Variants in PRPF39 observed in about 807,000 individuals in gnomAD.
PRPF39 encodes pre-mRNA-processing factor 39.
A neutral mutation model predicts 82.1 loss-of-function variants in PRPF39; 27 were observed. The observed-to-expected ratio is 0.33, with a 90% CI of 0.24 to 0.45. The LOEUF (loss-of-function observed/expected upper bound fraction) is 0.45. PRPF39 is among the 20% of genes least tolerant of loss of function. The pLI is 1.00. For missense variants in PRPF39, 581 were observed against 796.9 expected (o/e 0.73, Z 3.26); for synonymous variants, 261 against 256.4 (o/e 1.02, Z -0.17).
At chr14:45,108,295 A>T in intron 6 of PRPF39, 120 bp from the exon 7 acceptor site, 1 of 1,188,946 alleles carries the variant, frequency 8.4e-7, no homozygotes, top group East Asian at 3.1e-5. Flanking sequence ...CAACAGTTAA[A>T]AATCTACCAC....
At chr14:45,103,611 C>T (rs958255497) in intron 5 of PRPF39, among the ~76,000 whole-genome samples, 2 of 151,890 alleles carry the variant, frequency 1.3e-5, no homozygotes, top group Non-Finnish European at 2.9e-5. Flanking sequence ...TATACAGACT[C>T]AGGTTAGAAA....
At position 45,102,713 on chromosome 14, in the gene PRPF39, G is replaced by A. The variant is rs767165816; in HGVS notation, c.737+17G>A. 6.4e-7 allele frequency: 1 copy of A among 1,564,314 alleles called. No homozygotes were observed. The highest frequency in any genetic ancestry group is 8.7e-7 in the Non-Finnish European group (1 of 1,151,290). ...TTTTCAGAGGTAGGTGGGAAATTCTGATCATTGAAACATCTTTGATTACTC... is the reference window on the plus strand; with the variant it reads ...TTTTCAGAGGTAGGTGGGAAATTCTAATCATTGAAACATCTTTGATTACTC... On this transcript the variant is annotated intron_variant, in intron 5 of 13. Transcript: ENST00000355765.
chr14:45,095,892 T>G (rs1298090063), intron 2 of PRPF39, among the ~76,000 whole-genome samples: 1 of 149,536 alleles, frequency 6.7e-6, no homozygotes, highest in Admixed American at 6.6e-5. Context: ...TGTGTAGGTT[T>G]TTTTTTTTTT....
chr14:45,114,769 T>C, intron 13 of PRPF39, 88 bp from the exon 14 acceptor site: 1 of 1,399,682 alleles, frequency 7.1e-7, no homozygotes, highest in Non-Finnish European at 9.9e-7. Context: ...TTGCTTGTTT[T>C]CTTAAACATA....
intron 1 of PRPF39, among the ~76,000 whole-genome samples, chr14:45,085,962 A>G (rs1883814649): frequency 6.6e-6 from 1 of 152,018 alleles, no homozygotes; most frequent in Admixed American, 6.6e-5. Context: ...TATTAGGTCA[A>G]AAGATGGCAT....
At position 45,112,518 on chromosome 14, in the gene PRPF39, T is replaced by C. The variant is rs755088163; in HGVS notation, c.1757+16T>C. On this transcript the variant is annotated intron_variant, in intron 11 of 13. Transcript: ENST00000355765. ...ATGTTAATAAGTAAGATATTAGTTA[T>C]ATTACCTATTTGAATGATAAATGAG... 1.3e-5 allele frequency: 19 copies of C among 1,450,304 alleles called. No homozygotes were observed. Among genetic ancestry groups the C allele is most frequent in the Non-Finnish European group, 1.6e-5 (18 of 1,105,990 alleles). The allele number at this position is 1,450,304 out of a possible 1,614,324, so 89.8% of individuals were successfully genotyped here. A position where few individuals can be genotyped will look rare whatever the true frequency, so the allele number is the denominator to read the frequency against.
At chr14:45,095,622 A>G in intron 2 of PRPF39, 59 bp downstream of exon 2, 3 of 1,466,104 alleles carry the variant, frequency 2.0e-6, no homozygotes, top group Admixed American at 5.1e-5. Flanking sequence ...TTAATTTATA[A>G]TGAAACAGTA....
intron 1 of PRPF39, among the ~76,000 whole-genome samples, chr14:45,086,479 G>A (rs1487329562): frequency 6.6e-6 from 1 of 152,014 alleles, no homozygotes; most frequent in African/African-American, 2.4e-5. Context: ...GTAATGTAGT[G>A]AAAAGGAATC....
At chr14:45,086,236 C>G (rs535972697) in intron 1 of PRPF39, among the ~76,000 whole-genome samples, 1 of 152,270 alleles carries the variant, frequency 6.6e-6, no homozygotes, top group East Asian at 1.9e-4. Flanking sequence ...CCACCGTGCC[C>G]GGCCCAAATG....
chr14:45,092,587 C>T (rs1348062959), intron 1 of PRPF39, among the ~76,000 whole-genome samples: 2 of 127,062 alleles, frequency 1.6e-5, no homozygotes, highest in Non-Finnish European at 3.1e-5. Context: ...GGTGACAGAT[C>T]GAGACTCTGT....
rs1319229615 is a variant in PRPF39, at chr14:45,115,466, A to G, written c.*553A>G. ...AATGGAATGTTTGCATCCCTTTAAA[A>G]ATGAAAATCATATCAAAAGTATGTT... On this transcript the variant is annotated 3_prime_UTR_variant, in exon 14 of 14. Coordinates refer to ENST00000355765, the MANE Select transcript of PRPF39 (RefSeq NM_017922.4). 6.6e-6 allele frequency: 1 copy of G among 152,602 alleles called. No homozygotes were observed. The highest frequency in any genetic ancestry group is 1.5e-5 in the Non-Finnish European group (1 of 68,014). 9.5% of individuals were successfully genotyped at this position (152,602 alleles called of 1,614,324 possible).
intron 8 of PRPF39, 100 bp downstream of exon 8, chr14:45,109,880 A>G: frequency 4.0e-6 from 6 of 1,515,178 alleles, no homozygotes; most frequent in Non-Finnish European, 5.3e-6. Flanking sequence ...ATATAACTAT[A>G]TCTGTTGCAT....
chr14:45,110,518 C>T lies in PRPF39; in HGVS notation c.1304-31C>T. On this transcript the variant is annotated intron_variant, in intron 9 of 13. Coordinates refer to ENST00000355765, the MANE Select transcript of PRPF39 (RefSeq NM_017922.4). The surrounding 1 kb of genome is among the most constrained non-coding windows in gnomAD (Gnocchi z 4.0). Reference sequence around the variant, plus strand: ...TAAACGTTATTTTGGTTGTTTAAACCAAAGCATAAACATTTAATTACTGTT... The same window carrying T: ...TAAACGTTATTTTGGTTGTTTAAACTAAAGCATAAACATTTAATTACTGTT... The T allele has an allele frequency of 6.5e-7, 1 of 1,536,660 alleles. No homozygotes were observed. Among genetic ancestry groups the T allele is most frequent in the Non-Finnish European group, 8.8e-7 (1 of 1,136,700 alleles).
intron 1 of PRPF39, among the ~76,000 whole-genome samples, chr14:45,092,898 C>T (rs1458387172): frequency 2.1e-5 from 3 of 143,398 alleles, no homozygotes; most frequent in Admixed American, 2.0e-4. Context: ...GTATGGTAGT[C>T]ATAAAATTGT....
In PRPF39 at chr14:45,095,214, T is replaced by A; in HGVS notation, c.-19-7T>A. ...AAGATATTTCTCTTTTTTTCGTGTT[T>A]CCACAGATCGTTAACTGAAGACAAT... On this transcript the variant is annotated splice_region_variant and splice_polypyrimidine_tract_variant and intron_variant, in intron 1 of 13. Transcript: ENST00000355765. 6.6e-7 allele frequency: 1 copy of A among 1,508,374 alleles called. No homozygotes were observed. The highest frequency in any genetic ancestry group is 9.0e-7 in the Non-Finnish European group (1 of 1,107,680). 93.4% of individuals were successfully genotyped at this position (1,508,374 alleles called of 1,614,324 possible). A position where few individuals can be genotyped will look rare whatever the true frequency, so the allele number is the denominator to read the frequency against.
At chr14:45,114,661 T>C (rs374359639) in intron 13 of PRPF39, 47 bp downstream of exon 13, 65 of 1,562,110 alleles carry the variant, frequency 4.2e-5, no homozygotes, top group Non-Finnish European at 5.4e-5. Flanking sequence ...GTTATTAGCA[T>C]AAATTAGGAT....
chr14:45,096,322 G>C, intron 3 of PRPF39, 94 bp downstream of exon 3: 1 of 1,476,756 alleles, frequency 6.8e-7, no homozygotes, highest in Non-Finnish European at 9.0e-7. Context: ...TTTTTGGCTG[G>C]CAGTACCTAC....
intron 5 of PRPF39, among the ~76,000 whole-genome samples, chr14:45,103,475 G>A (rs187129331): frequency 3.3e-5 from 5 of 151,962 alleles, no homozygotes; most frequent in Non-Finnish European, 7.4e-5. Context: ...TTTATGAGTA[G>A]TATTGTATAA....
Position 45,110,729 on chromosome 14 carries a change from C to G in PRPF39, c.1484C>G (p.Ala495Gly), listed in dbSNP as rs1460378073. ...AKSNNESSFY[A>G]VKLARHLFKI... ...TCAAATAATGAATCTTCATTTTATG[C>G]TGTCAAACTAGCCCGGCATCTTTTC... is the stretch of plus-strand genomic sequence containing the variant. Residue 495 changes from alanine to glycine, a missense_variant, in exon 10 of 14, where the codon GCT (alanine) becomes GGT (glycine). Transcript: ENST00000355765. This position sits in a 1 kb window ranked among gnomAD's most constrained non-coding sequence, Gnocchi z 4.0. 1 of 1,561,536 alleles carries G rather than the reference C, an allele frequency of 6.4e-7. No homozygotes were observed. Among genetic ancestry groups the G allele is most frequent in the Admixed American group, 1.9e-5 (1 of 52,088 alleles).
Sources: gnomAD v4.1 joint callset for allele counts (sites outside exome capture counted in the v4.1 genomes callset) on GRCh38, gnomAD v4.1.1 for gene constraint, Gnocchi (gnomAD v3.1) non-coding constraint, MANE v1.5 for transcripts, NCBI Gene and HGNC (gene_info 2026-07-23, HGNC 2026-07-21) for gene names.